The following CDH20 variants were observed in gnomAD, a reference collection of about 807,000 sequenced individuals.
CDH20 encodes cadherin 20.
A neutral mutation model predicts 74.2 loss-of-function variants in CDH20; 29 were observed. That is an observed-to-expected ratio of 0.39 (90% CI 0.29 to 0.53). The LOEUF is 0.53. Among genes scored for constraint, CDH20 ranks in the 20% least tolerant of loss-of-function variants. CDH20 has a pLI of 0.69. For synonymous variants in CDH20, 469 were observed against 405.4 expected, an observed-to-expected ratio of 1.16 and a Z score of -1.88; for missense variants, 988 against 1,048.3, an observed-to-expected ratio of 0.94 and a Z score of 0.79.
intron 1 of CDH20, among the ~76,000 whole-genome samples, chr18:61,336,667 T>C (rs906589291): frequency 6.6e-5 from 10 of 152,126 alleles, no homozygotes; most frequent in Non-Finnish European, 1.3e-4. Flanking sequence ...CTTTCCCTCA[T>C]AGTAGTGAGC....
Position 61,491,001 on chromosome 18 carries a change from T to C in CDH20, c.246+202T>C, listed in dbSNP as rs113805819. 9.0e-3 allele frequency among the ~76,000 whole-genome samples: 1,364 copies of C among 152,230 alleles called. 20 individuals are homozygous for C. The highest frequency in any genetic ancestry group is 0.031 in the African/African-American group (1,279 of 41,540). On this transcript the variant is annotated intron_variant, in intron 2 of 11. Coordinates refer to ENST00000262717, the MANE Select transcript of CDH20 (RefSeq NM_031891.4). ...AAAGATTTATTTCCTTGTCCATGTC[T>C]CTGTTATGAATGGGAAAAAGTGGGA...
At chr18:61,368,777 T>G (rs1910939909) in intron 1 of CDH20, among the ~76,000 whole-genome samples, 2 of 146,548 alleles carry the variant, frequency 1.4e-5, no homozygotes, top group Admixed American at 6.9e-5. Context: ...TTCTCAAATG[T>G]CAAAAACAAA....
At chr18:61,509,373 A>G (rs1282478161) in intron 6 of CDH20, among the ~76,000 whole-genome samples, 1 of 152,176 alleles carries the variant, frequency 6.6e-6, no homozygotes, top group Non-Finnish European at 1.5e-5. Context: ...TCTTTGTGAA[A>G]AGCATACGTG....
chr18:61,478,792 G>T (rs1910485456), intron 1 of CDH20, among the ~76,000 whole-genome samples: 2 of 152,122 alleles, frequency 1.3e-5, no homozygotes, highest in Non-Finnish European at 2.9e-5. Flanking sequence ...GGGGAAGTAA[G>T]AAGACAGCTG....
chr18:61,511,577 T>C (rs940523706), intron 6 of CDH20, among the ~76,000 whole-genome samples: 1 of 152,182 alleles, frequency 6.6e-6, no homozygotes, highest in African/African-American at 2.4e-5. Flanking sequence ...TTATCTTATG[T>C]CTTAAAATAA....
At chr18:61,368,451 C>A (rs1171875567) in intron 1 of CDH20, among the ~76,000 whole-genome samples, 1 of 150,902 alleles carries the variant, frequency 6.6e-6, no homozygotes, top group Non-Finnish European at 1.5e-5. Context: ...TGGGGGGCAA[C>A]AACTACTAAA....
intron 6 of CDH20, among the ~76,000 whole-genome samples, chr18:61,511,361 T>A (rs1266824671): frequency 1.3e-5 from 2 of 151,958 alleles, no homozygotes; most frequent in Non-Finnish European, 2.9e-5. Context: ...TTTGTTTTGT[T>A]TTTGTAGAGA....
At chr18:61,415,654 A>G (rs2085342965) in intron 1 of CDH20, among the ~76,000 whole-genome samples, 1 of 152,228 alleles carries the variant, frequency 6.6e-6, no homozygotes, top group Non-Finnish European at 1.5e-5. Context: ...CAAAAGTAGA[A>G]TGCTGCTCTC....
At chr18:61,551,594 CCTTT>C (rs1913434979) in intron 11 of CDH20, among the ~76,000 whole-genome samples, 1 of 152,174 alleles carries the variant, frequency 6.6e-6, no homozygotes, top group African/African-American at 2.4e-5. Flanking sequence ...AAATAAGTAA[CCTTT>C]CTAAGTTCTT....
chr18:61,438,649 G>T (rs992541899), intron 1 of CDH20, among the ~76,000 whole-genome samples: 1 of 152,130 alleles, frequency 6.6e-6, no homozygotes, highest in Non-Finnish European at 1.5e-5. Flanking sequence ...CTTATATATT[G>T]TTAGTGGGAA....
At position 61,555,134 on chromosome 18, in the gene CDH20, C is replaced by G; in HGVS notation, c.*439C>G. The G allele has an allele frequency of 1.0e-6, 1 of 996,478 alleles. No individual in the cohort carries two copies. The highest frequency in any genetic ancestry group is 4.6e-5 in the South Asian group (1 of 21,832). The allele number at this position is 996,478 out of a possible 1,614,324, so 61.7% of individuals were successfully genotyped here. ...TCTTATTCTCCATTTAAGAGTTTTG[C>G]TGGCTCAAACCACAGAAACCAACCC... is the stretch of plus-strand genomic sequence containing the variant. On this transcript the variant is annotated 3_prime_UTR_variant, in exon 12 of 12. Transcript: ENST00000262717.
At chr18:61,506,763 A>C (rs985093263) in intron 5 of CDH20, among the ~76,000 whole-genome samples, 1 of 152,180 alleles carries the variant, frequency 6.6e-6, no homozygotes, top group Non-Finnish European at 1.5e-5. Flanking sequence ...AGAAGCATGA[A>C]GGGTCTGTCC....
At chr18:61,521,713 A>C (rs901468122) in intron 6 of CDH20, among the ~76,000 whole-genome samples, 1 of 148,306 alleles carries the variant, frequency 6.7e-6, no homozygotes, top group Non-Finnish European at 1.5e-5. Flanking sequence ...CACATCAAAA[A>C]GATTATCCAC....
At chr18:61,515,568 G>GCA (rs1443079477) in intron 6 of CDH20, among the ~76,000 whole-genome samples, 1 of 151,734 alleles carries the variant, frequency 6.6e-6, no homozygotes, top group African/African-American at 2.4e-5. Flanking sequence ...AGAAAATGTG[G>GCA]CACATATACA....
chr18:61,503,590 G>A (rs1179326864), intron 5 of CDH20, among the ~76,000 whole-genome samples: 1 of 152,180 alleles, frequency 6.6e-6, no homozygotes, highest in Non-Finnish European at 1.5e-5. Context: ...CTGCCCATGT[G>A]ACGATCTTCA....
intron 6 of CDH20, among the ~76,000 whole-genome samples, chr18:61,522,855 T>C (rs1247914643): frequency 1.3e-5 from 2 of 152,246 alleles, no homozygotes; most frequent in Non-Finnish European, 2.9e-5. Flanking sequence ...GAAAACTGGC[T>C]AGCCATATGC....
At chr18:61,356,370 T>C (rs1427817392) in intron 1 of CDH20, among the ~76,000 whole-genome samples, 2 of 152,204 alleles carry the variant, frequency 1.3e-5, no homozygotes, top group Non-Finnish European at 2.9e-5. Context: ...CACACAGTAT[T>C]TTTCTTAATT....
intron 1 of CDH20, among the ~76,000 whole-genome samples, chr18:61,335,930 G>C (rs1034439115): frequency 6.6e-6 from 1 of 152,152 alleles, no homozygotes; most frequent in Non-Finnish European, 1.5e-5. Context: ...ATTATCTTTC[G>C]TTTGGGGAGA....
chr18:61,528,295 T>C (rs1912511252), intron 7 of CDH20, 75 bp downstream of exon 7: 1 of 1,450,674 alleles, frequency 6.9e-7, no homozygotes, highest in Non-Finnish European at 9.4e-7. Flanking sequence ...TCTAGCACTT[T>C]TCCCTTTGTT....
Sources: gnomAD v4.1 joint callset for allele counts (sites outside exome capture counted in the v4.1 genomes callset) on GRCh38, gnomAD v4.1.1 for gene constraint, MANE v1.5 for transcripts, NCBI Gene and HGNC (gene_info 2026-07-23, HGNC 2026-07-21) for gene names.